Variants in RASGRF2 observed in about 807,000 individuals in gnomAD.
RASGRF2 encodes Ras protein specific guanine nucleotide releasing factor 2.
In RASGRF2, 76 loss-of-function variants were observed where a neutral mutation model predicts 151.0. The ratio of observed to expected loss-of-function variants is 0.50; its 90% CI spans 0.42 to 0.61. The LOEUF is 0.61. Ranked by LOEUF, RASGRF2 falls within the 20% of genes least tolerant of loss-of-function variation. The probability of loss-of-function intolerance (pLI) is 0.00; values close to 1 mark genes in which losing one functional copy is unlikely to be tolerated. For missense variants in RASGRF2, 1,148 were observed against 1,564.6 expected, an observed-to-expected ratio of 0.73 and a Z score of 4.49; for synonymous variants, 504 against 566.5, an observed-to-expected ratio of 0.89 and a Z score of 1.57.
intron 3 of RASGRF2, 172 bp from the exon 4 acceptor site, chr5:81,070,320 T>G: frequency 3.5e-6 from 2 of 577,862 alleles, no homozygotes; most frequent in Non-Finnish European, 6.3e-6. Flanking sequence ...ATACCATGCT[T>G]GGGGTAAAGT....
chr5:81,013,818 C>T lies in RASGRF2; in HGVS notation c.289-29059C>T, dbSNP rs1160117910. ...GTTGGTGTTATCAGTGTTCTCTTAC[C>T]AGTGTTGTATCGGTGTTCCCATTTC... On this transcript the variant is annotated intron_variant, in intron 1 of 26. Coordinates refer to ENST00000265080, the MANE Select transcript of RASGRF2 (RefSeq NM_006909.3). Among the ~76,000 whole-genome samples the T allele has an allele frequency of 2.0e-5, 3 of 151,974 alleles. No homozygotes were observed. In the East Asian group the frequency reaches 5.8e-4, roughly 29 times the overall value.
intron 17 of RASGRF2, among the ~76,000 whole-genome samples, chr5:81,135,591 T>G (rs2112589075): frequency 6.6e-6 from 1 of 152,350 alleles, no homozygotes; most frequent in Middle Eastern, 3.4e-3. Context: ...TTCAACCATT[T>G]TTGTAGAATG....
rs779986744 is a variant in RASGRF2 at position 81,042,929 on chromosome 5, G to A, written c.341G>A (p.Arg114His). Reference sequence around the variant, plus strand: ...GAAGGTCAGAAGCCACTGGAGCTGCGCTGTGAGGAGGAGCAGGATGGTAAA... The same window carrying A: ...GAAGGTCAGAAGCCACTGGAGCTGCACTGTGAGGAGGAGCAGGATGGTAAA... ...GHEGQKPLEL[R>H]CEEEQDGKEW... Residue 114 changes from arginine to histidine, a missense_variant, in exon 2 of 27, where the codon CGC becomes CAC. Physicochemically the swap from Arg to His is conservative, Grantham distance 29. This residue lies in a region of RASGRF2 where 221 missense variants were observed against 271.3 expected (regional missense o/e 0.81). Transcript: ENST00000265080. The A allele has an allele frequency of 8.1e-6, 13 of 1,613,014 alleles. No individual in the cohort carries two copies. Among genetic ancestry groups the A allele is most frequent in the East Asian group, 6.7e-5 (3 of 44,860 alleles).
At chr5:81,196,635 G>A (rs767322110) in intron 18 of RASGRF2, among the ~76,000 whole-genome samples, 9 of 18,700 alleles carry the variant, frequency 4.8e-4, no homozygotes, top group Non-Finnish European at 1.1e-3. Context: ...CCCCTCCCCC[G>A]TTGAGCCCAG....
At chr5:80,961,143 A>C in intron 1 of RASGRF2, 117 bp downstream of exon 1, 3 of 1,185,874 alleles carry the variant, frequency 2.5e-6, no homozygotes, top group South Asian at 2.1e-5. Flanking sequence ...ATGCTCCGAA[A>C]TCCCCCCGCG....
chr5:81,017,898 G>A (rs951726166), intron 1 of RASGRF2, among the ~76,000 whole-genome samples: 2 of 151,820 alleles, frequency 1.3e-5, no homozygotes, highest in African/African-American at 4.9e-5. Flanking sequence ...AGGAGTTTGA[G>A]ACCAGCCTGG....
intron 26 of RASGRF2, among the ~76,000 whole-genome samples, chr5:81,221,709 G>A (rs1486982200): frequency 5.3e-5 from 8 of 152,052 alleles, no homozygotes; most frequent in Non-Finnish European, 7.4e-5. Flanking sequence ...GGGCGCCTTG[G>A]CTCACAGCTG....
chr5:81,147,905 C>A (rs1023691933), intron 17 of RASGRF2, among the ~76,000 whole-genome samples: 1 of 152,170 alleles, frequency 6.6e-6, no homozygotes, highest in Non-Finnish European at 1.5e-5. Context: ...AAAGTCAGTT[C>A]TCTTAATTCC....
intron 25 of RASGRF2, among the ~76,000 whole-genome samples, chr5:81,219,372 T>C (rs1424103818): frequency 2.0e-5 from 3 of 152,082 alleles, no homozygotes; most frequent in African/African-American, 7.2e-5. Flanking sequence ...TGAGCCACCA[T>C]GCCCAGCCTG....
At chr5:80,990,343 C>T (rs1423243407) in intron 1 of RASGRF2, among the ~76,000 whole-genome samples, 2 of 151,984 alleles carry the variant, frequency 1.3e-5, no homozygotes, top group Admixed American at 6.6e-5. Flanking sequence ...GGTGAGCTTC[C>T]CTCGTGCCCA....
intron 1 of RASGRF2, among the ~76,000 whole-genome samples, chr5:80,998,368 T>C (rs1034349087): frequency 6.6e-6 from 1 of 152,222 alleles, no homozygotes; most frequent in African/African-American, 2.4e-5. Context: ...TTATGTTTGA[T>C]ACCGTACATT....
intron 17 of RASGRF2, among the ~76,000 whole-genome samples, chr5:81,153,573 T>C (rs1754185530): frequency 6.6e-6 from 1 of 152,216 alleles, no homozygotes; most frequent in South Asian, 2.1e-4. Context: ...CATCAAACTT[T>C]TGACCCCTGG....
intron 1 of RASGRF2, among the ~76,000 whole-genome samples, chr5:81,037,031 G>A (rs537729646): frequency 6.6e-6 from 1 of 152,258 alleles, no homozygotes; most frequent in East Asian, 1.9e-4. Context: ...GAAGAGCAAA[G>A]GGATGTCTTA....
chr5:81,105,350 C>T (rs940960753), intron 12 of RASGRF2, among the ~76,000 whole-genome samples: 1 of 152,116 alleles, frequency 6.6e-6, no homozygotes, highest in African/African-American at 2.4e-5. Context: ...CTGTCCAGGA[C>T]GAGACAGAGA....
Position 81,195,753 on chromosome 5 carries a change from G to A in RASGRF2, c.2794-5577G>A, listed in dbSNP as rs142434239. On this transcript the variant is annotated intron_variant, in intron 18 of 26. Transcript: ENST00000265080. ...TTAGCCACAACCCCTAGTGAGCCCT[G>A]TGCACATGACAGTTTGAGAAGGGCA... Among the ~76,000 whole-genome samples, 475 of 152,240 alleles carry A rather than the reference G, an allele frequency of 3.1e-3. 2 individuals carry two copies. Among genetic ancestry groups the A allele is most frequent in the Admixed American group, 5.9e-3 (91 of 15,298 alleles).
intron 2 of RASGRF2, among the ~76,000 whole-genome samples, chr5:81,055,772 G>C (rs1474231201): frequency 6.6e-6 from 1 of 152,032 alleles, no homozygotes; most frequent in East Asian, 1.9e-4. Context: ...GACTTTTTTT[G>C]GTTGGTAGGC....
At chr5:81,213,219 A>T (rs1755662759) in intron 23 of RASGRF2, among the ~76,000 whole-genome samples, 1 of 151,942 alleles carries the variant, frequency 6.6e-6, no homozygotes, top group Non-Finnish European at 1.5e-5. Context: ...TTCTTTGCTG[A>T]TGATTCATTG....
intron 8 of RASGRF2, 43 bp downstream of exon 8, chr5:81,085,954 G>C: frequency 1.9e-6 from 3 of 1,612,832 alleles, no homozygotes; most frequent in Non-Finnish European, 2.5e-6. Context: ...GAGGAAAGCA[G>C]CAAGTTAGTC....
At chr5:81,056,408 G>A (rs571211787) in intron 2 of RASGRF2, among the ~76,000 whole-genome samples, 21 of 152,302 alleles carry the variant, frequency 1.4e-4, no homozygotes, top group African/African-American at 4.8e-4. Flanking sequence ...TCAGGAGCAG[G>A]TTGTTCAGTT....
Sources: gnomAD v4.1 joint callset for allele counts (sites outside exome capture counted in the v4.1 genomes callset) on GRCh38, gnomAD v4.1.1 for gene constraint, gnomAD v4.1.1 regional missense constraint, MANE v1.5 for transcripts, NCBI Gene and HGNC (gene_info 2026-07-23, HGNC 2026-07-21) for gene names.